TAS2R1: variants seen among roughly 807,000 people sequenced by gnomAD.
The protein encoded by TAS2R1 is taste receptor type 2 member 1.
For synonymous variants in TAS2R1, 141 were observed against 134.2 expected (o/e 1.05, Z -0.35); for missense variants, 370 against 353.4 (o/e 1.05, Z -0.38).
At chr5:9,709,108 G>T (rs1272607893) in intron 1 of TAS2R1, among the ~76,000 whole-genome samples, 1 of 151,346 alleles carries the variant, frequency 6.6e-6, no homozygotes, top group African/African-American at 2.4e-5. Context: ...GGGTTGATGG[G>T]TGCAGCAAAC....
chr5:9,745,611 C>A, the TAS2R1 span, among the ~76,000 whole-genome samples: 1 of 152,110 alleles, frequency 6.6e-6, no homozygotes, highest in Non-Finnish European at 1.5e-5. Flanking sequence ...AGAAATAACA[C>A]CACACATCTA....
At chr5:9,632,027 C>T (rs376499326), upstream of TAS2R1, among the ~76,000 whole-genome samples, 16 of 152,266 alleles carry the variant, frequency 1.1e-4, no homozygotes, top group East Asian at 3.1e-3. Context: ...AACTTTGCAA[C>T]TTAGAAGAAA....
chr5:9,827,428 A>C, the TAS2R1 span, among the ~76,000 whole-genome samples: 1 of 152,156 alleles, frequency 6.6e-6, no homozygotes, highest in Non-Finnish European at 1.5e-5. Context: ...TGTTGTATTC[A>C]GAACAATCTT....
rs1417102780 is a variant in TAS2R1, at chr5:9,628,035, G to A, written c.*1098C>T. ...CGCCTGAACTACAAGTTACCGCTGA[G>A]CTTAAGAACATTTTTTACTTCATTT... is the stretch of plus-strand genomic sequence containing the variant. On this transcript the variant is annotated 3_prime_UTR_variant, in exon 1 of 1. Coordinates refer to ENST00000382492, the MANE Select transcript of TAS2R1 (RefSeq NM_019599.3). 6.6e-6 allele frequency among the ~76,000 whole-genome samples: 1 copy of A among 152,128 alleles called. No individual in the cohort carries two copies. Among genetic ancestry groups the A allele is most frequent in the Non-Finnish European group, 1.5e-5 (1 of 68,026 alleles).
the TAS2R1 span, among the ~76,000 whole-genome samples, chr5:9,762,628 A>C: frequency 6.6e-6 from 1 of 152,212 alleles, no homozygotes; most frequent in African/African-American, 2.4e-5. Context: ...AATGATCTGA[A>C]TCTTTTCCCT....
chr5:9,742,059 C>T, the TAS2R1 span, among the ~76,000 whole-genome samples: 1 of 152,098 alleles, frequency 6.6e-6, no homozygotes, highest in Non-Finnish European at 1.5e-5. Context: ...CTACGCCTGA[C>T]TAATTTTGTA....
chr5:9,874,039 A>C, the TAS2R1 span, among the ~76,000 whole-genome samples: 2 of 152,072 alleles, frequency 1.3e-5, no homozygotes, highest in Admixed American at 1.3e-4. Flanking sequence ...AGAGAAAGAA[A>C]GAAAGACAAA....
At chr5:9,807,800 T>C in the TAS2R1 span, among the ~76,000 whole-genome samples, 1 of 152,078 alleles carries the variant, frequency 6.6e-6, no homozygotes, top group African/African-American at 2.4e-5. Flanking sequence ...AGAATAGACA[T>C]TGCATGCAGT....
At chr5:9,777,878 T>TC in the TAS2R1 span, among the ~76,000 whole-genome samples, 1 of 52,954 alleles carries the variant, frequency 1.9e-5, no homozygotes, top group Non-Finnish European at 5.0e-5. Flanking sequence ...AGGCCAGGTG[T>TC]TTTTTTTTTT....
chr5:9,816,198 T>C, the TAS2R1 span, among the ~76,000 whole-genome samples: 1 of 151,842 alleles, frequency 6.6e-6, no homozygotes, highest in Non-Finnish European at 1.5e-5. Flanking sequence ...TACACTGTTT[T>C]GATTCTTTGC....
intron 1 of TAS2R1, among the ~76,000 whole-genome samples, chr5:9,688,407 T>C (rs900251434): frequency 6.6e-6 from 1 of 152,194 alleles, no homozygotes; most frequent in African/African-American, 2.4e-5. Context: ...GATGTTGTTA[T>C]CTTCTCAGGA....
chr5:9,683,828 T>A (rs1741074515), intron 1 of TAS2R1, among the ~76,000 whole-genome samples: 1 of 152,240 alleles, frequency 6.6e-6, no homozygotes, highest in Non-Finnish European at 1.5e-5. Flanking sequence ...TGTGTGTAGA[T>A]GCCTCAGCCT....
At chr5:9,876,592 G>C in the TAS2R1 span, among the ~76,000 whole-genome samples, 2 of 152,154 alleles carry the variant, frequency 1.3e-5, no homozygotes, top group Non-Finnish European at 2.9e-5. Context: ...GCCTTTGCTG[G>C]TGGGGTTTTT....
At chr5:9,720,011 CCTTT>C in the TAS2R1 span, among the ~76,000 whole-genome samples, 4 of 150,720 alleles carry the variant, frequency 2.7e-5, no homozygotes, top group African/African-American at 4.9e-5. Context: ...CTTTGGCTTT[CCTTT>C]CTTTCTTTTT....
At position 9,702,170 on chromosome 5, in the gene TAS2R1, T is replaced by C. The variant is rs1046279580; in HGVS notation, c.-242+10002A>G. The stretch of plus-strand genomic sequence containing the variant: ...TCCAAATAAAAATCTATCAAAGACC[T>C]GTCCAATAAGTGCCAAATACTTCTA... On this transcript the variant is annotated intron_variant, in intron 1 of 2. Coordinates refer to the TAS2R1 transcript ENST00000506620. 3.9e-5 allele frequency among the ~76,000 whole-genome samples: 6 copies of C among 152,354 alleles called. No homozygotes were observed. The South Asian group carries it at 1.2e-3, about 32-fold the overall frequency.
chr5:9,833,500 G>C, the TAS2R1 span, among the ~76,000 whole-genome samples: 1 of 152,176 alleles, frequency 6.6e-6, no homozygotes, highest in Non-Finnish European at 1.5e-5. Context: ...TGACAAAGAA[G>C]GGTTACAAAT....
upstream of TAS2R1, among the ~76,000 whole-genome samples, chr5:9,633,294 T>TTATATATATATATA (rs200096603): frequency 5.3e-4 from 36 of 67,806 alleles, 1 homozygote; most frequent in South Asian, 3.3e-3. Context: ...TGTGTGTATA[T>TTATATATATATATA]TATATATATA....
chr5:9,894,405 A>AAAAACAAAAACAAAAAC, the TAS2R1 span, among the ~76,000 whole-genome samples: 1 of 151,004 alleles, frequency 6.6e-6, no homozygotes, highest in African/African-American at 2.4e-5. Context: ...AAACAAAAAC[A>AAAAACAAAAACAAAAAC]AAAAAAAACA....
chr5:9,639,365 T>G (rs909073564), intron 2 of TAS2R1, among the ~76,000 whole-genome samples: 1 of 152,236 alleles, frequency 6.6e-6, no homozygotes, highest in Non-Finnish European at 1.5e-5. Flanking sequence ...CCTAGGTAGG[T>G]TAAATCCTTC....
Sources: gnomAD v4.1 joint callset for allele counts (sites outside exome capture counted in the v4.1 genomes callset) on GRCh38, gnomAD v4.1.1 for gene constraint, MANE v1.5 for transcripts, NCBI Gene and HGNC (gene_info 2026-07-23, HGNC 2026-07-21) for gene names.